Variants in SCFD2 observed in about 807,000 individuals in gnomAD.
The protein encoded by SCFD2 is sec1 family domain-containing protein 2.
In SCFD2, 54 loss-of-function variants were observed where a neutral mutation model predicts 58.9. The observed-to-expected ratio is 0.92, with a 90% CI of 0.74 to 1.15. The LOEUF (loss-of-function observed/expected upper bound fraction) is 1.15, where lower values mean the gene tolerates loss of function less well. Among genes scored for constraint, SCFD2 ranks in the 50% most tolerant of loss-of-function variants. The pLI, the probability that SCFD2 is intolerant of heterozygous loss-of-function variation, is 0.00. For synonymous variants in SCFD2, 321 were observed against 335.9 expected (o/e 0.96, Z 0.49); for missense variants, 805 against 836.6 (o/e 0.96, Z 0.47).
intron 4 of SCFD2, among the ~76,000 whole-genome samples, chr4:53,216,791 T>C (rs536741545): frequency 6.6e-6 from 1 of 152,230 alleles, no homozygotes; most frequent in Non-Finnish European, 1.5e-5. Flanking sequence ...TCTAGTGCTA[T>C]AAATTTCCCT....
intron 4 of SCFD2, among the ~76,000 whole-genome samples, chr4:53,149,120 CT>C (rs1246176133): frequency 6.6e-6 from 1 of 152,218 alleles, no homozygotes; most frequent in African/African-American, 2.4e-5. Context: ...ATTTCCTACT[CT>C]GTCCACTGGG....
intron 3 of SCFD2, among the ~76,000 whole-genome samples, chr4:53,309,935 T>A (rs1732637197): frequency 6.6e-6 from 1 of 152,250 alleles, no homozygotes. Context: ...TTTCCCCTAT[T>A]TTATGGACAA....
chr4:53,253,941 A>G (rs1352903731), intron 4 of SCFD2, among the ~76,000 whole-genome samples: 2 of 151,880 alleles, frequency 1.3e-5, no homozygotes, highest in Admixed American at 1.3e-4. Context: ...TGTCCTTTGC[A>G]GGAACATGGA....
chr4:53,227,325 G>C (rs1391066544), intron 4 of SCFD2, among the ~76,000 whole-genome samples: 1 of 152,160 alleles, frequency 6.6e-6, no homozygotes, highest in Admixed American at 6.5e-5. Context: ...CAATTTCCTT[G>C]ATGATTTTTC....
rs577797564 is a variant in SCFD2, at chr4:53,245,116, T to C, written c.1311+28710A>G. On this transcript the variant is annotated intron_variant, in intron 4 of 8. Coordinates refer to ENST00000401642, the MANE Select transcript of SCFD2 (RefSeq NM_152540.4). Reference sequence around the variant, plus strand: ...GCTTTGAAATCCAATCAGTAACAAATAGCCTACCAACCAAAAAAAAGCCTG... The same window carrying C: ...GCTTTGAAATCCAATCAGTAACAAACAGCCTACCAACCAAAAAAAAGCCTG... Among the ~76,000 whole-genome samples the C allele has an allele frequency of 1.1e-4, 17 of 151,792 alleles. No individual in the cohort carries two copies. In the East Asian group the frequency reaches 3.3e-3, roughly 29 times the overall value.
At chr4:53,295,657 G>T (rs370228910) in intron 3 of SCFD2, among the ~76,000 whole-genome samples, 1 of 152,150 alleles carries the variant, frequency 6.6e-6, no homozygotes, top group Non-Finnish European at 1.5e-5. Flanking sequence ...ACCCTGATGA[G>T]AACTTCCAAT....
chr4:53,077,731 G>A (rs555760644), intron 5 of SCFD2, among the ~76,000 whole-genome samples: 1 of 152,080 alleles, frequency 6.6e-6, no homozygotes, highest in Non-Finnish European at 1.5e-5. Context: ...AGCCACGGCG[G>A]CTGGCCTCAT....
intron 4 of SCFD2, among the ~76,000 whole-genome samples, chr4:53,201,865 TG>T (rs1034697370): frequency 2.5e-4 from 38 of 152,226 alleles, no homozygotes; most frequent in Non-Finnish European, 4.7e-4. Context: ...CACTTTTTGA[TG>T]GGGTTGTTTG....
At chr4:53,359,590 T>G (rs1412392130) in intron 1 of SCFD2, among the ~76,000 whole-genome samples, 1 of 152,196 alleles carries the variant, frequency 6.6e-6, no homozygotes, top group Non-Finnish European at 1.5e-5. Flanking sequence ...ACCCTTCTGA[T>G]TTTTAGAAGT....
rs3052566 is a variant in SCFD2, at chr4:52,875,802, C to CTATATA, written c.1963-1747_1963-1742dup. ...CTTCTTGAAAGAGGATTATCTTTAA[C>CTATATA]TATATATATATATATATATATATAT... On this transcript the variant is annotated intron_variant, in intron 8 of 8. Coordinates refer to ENST00000401642, the MANE Select transcript of SCFD2 (RefSeq NM_152540.4). 1.3e-3 allele frequency among the ~76,000 whole-genome samples: 79 copies of CTATATA among 61,236 alleles called. 1 individual carries two copies. Among genetic ancestry groups the CTATATA allele is most frequent in the Non-Finnish European group, 1.6e-3 (47 of 30,164 alleles). The allele number at this position is 61,236 out of a possible 152,430, so 40.2% of individuals were successfully genotyped here.
In SCFD2 at chr4:52,933,061, T is replaced by C. The variant is rs548633441; in HGVS notation, c.1562-12191A>G. The stretch of plus-strand genomic sequence containing the variant: ...CTGAGGCAAGGCTGGGCCTTGAAGG[T>C]GGATTCCAAAACAAATGCAGAAAAA... On this transcript the variant is annotated intron_variant, in intron 5 of 8. Coordinates refer to ENST00000401642, the MANE Select transcript of SCFD2 (RefSeq NM_152540.4). Among the ~76,000 whole-genome samples, 8 of 152,176 alleles carry C rather than the reference T, an allele frequency of 5.3e-5. No individual in the cohort carries two copies. In the South Asian group the frequency reaches 1.7e-3, roughly 32 times the overall value.
chr4:53,018,654 C>T (rs931046800), intron 5 of SCFD2, among the ~76,000 whole-genome samples: 1 of 152,128 alleles, frequency 6.6e-6, no homozygotes, highest in African/African-American at 2.4e-5. Context: ...TATTGCTAGG[C>T]CAGACATTTC....
chr4:53,328,806 G>A (rs544568467), intron 2 of SCFD2, among the ~76,000 whole-genome samples: 18 of 152,354 alleles, frequency 1.2e-4, no homozygotes, highest in African/African-American at 4.3e-4. Context: ...CAGAAGACAG[G>A]TGATTTCTGC....
chr4:53,034,408 C>G (rs1368014825), intron 5 of SCFD2, among the ~76,000 whole-genome samples: 1 of 152,028 alleles, frequency 6.6e-6, no homozygotes, highest in Non-Finnish European at 1.5e-5. Flanking sequence ...CTTTGAAAAC[C>G]AGCACAAAAC....
At chr4:52,883,034 C>T (rs1718656003) in intron 8 of SCFD2, among the ~76,000 whole-genome samples, 1 of 152,202 alleles carries the variant, frequency 6.6e-6, no homozygotes, top group African/African-American at 2.4e-5. Flanking sequence ...AGGTCTTAGA[C>T]AGTCTATTGG....
intron 5 of SCFD2, among the ~76,000 whole-genome samples, chr4:53,132,299 G>A (rs1294533246): frequency 6.6e-6 from 1 of 152,132 alleles, no homozygotes; most frequent in Non-Finnish European, 1.5e-5. Flanking sequence ...TAAATATAAC[G>A]GTTCCAACAT....
At chr4:52,990,257 G>GA (rs1721588593) in intron 5 of SCFD2, among the ~76,000 whole-genome samples, 1 of 152,194 alleles carries the variant, frequency 6.6e-6, no homozygotes, top group South Asian at 2.1e-4. Flanking sequence ...TGTTTCTAAT[G>GA]AGACAAAGCT....
At chr4:53,082,472 A>C (rs1348268494) in intron 5 of SCFD2, among the ~76,000 whole-genome samples, 1 of 152,114 alleles carries the variant, frequency 6.6e-6, no homozygotes. Context: ...GCATCTTTTC[A>C]TGCACCTACT....
At chr4:53,248,803 G>A (rs1401117999) in intron 4 of SCFD2, among the ~76,000 whole-genome samples, 4 of 152,178 alleles carry the variant, frequency 2.6e-5, no homozygotes, top group Non-Finnish European at 5.9e-5. Context: ...AAACCCATCT[G>A]TACATCACCA....
Sources: gnomAD v4.1 joint callset for allele counts (sites outside exome capture counted in the v4.1 genomes callset) on GRCh38, gnomAD v4.1.1 for gene constraint, MANE v1.5 for transcripts, NCBI Gene and HGNC (gene_info 2026-07-23, HGNC 2026-07-21) for gene names.